Variants in SAR1B observed in about 807,000 individuals in gnomAD.
SAR1B encodes small COPII coat GTPase SAR1B.
In SAR1B, 23 loss-of-function variants were observed where a neutral mutation model predicts 26.8. The observed-to-expected ratio is 0.86, with a 90% CI of 0.62 to 1.22. SAR1B has a LOEUF of 1.22. SAR1B is among the 50% of genes most tolerant of loss of function. The pLI, the probability that SAR1B is intolerant of heterozygous loss-of-function variation, is 0.00. For missense variants in SAR1B, 196 were observed against 232.8 expected (o/e 0.84, Z 1.03); for synonymous variants, 65 against 80.8 (o/e 0.80, Z 1.05).
rs971289374 is a variant in SAR1B at position 134,604,518 on chromosome 5, C to A, written c.*2432G>T. 3 of 152,250 alleles carry A rather than the reference C, an allele frequency of 2.0e-5. No individual in the cohort carries two copies. The highest frequency in any genetic ancestry group is 2.9e-5 in the Non-Finnish European group (2 of 68,060). 9.4% of individuals were successfully genotyped at this position (152,250 alleles called of 1,614,324 possible). A position where few individuals can be genotyped will look rare whatever the true frequency, so the allele number is the denominator to read the frequency against. Reference sequence around the variant, plus strand: ...TTCTCAAAGCTGGACAGTAAGTCCTCTGGCTCAGGAACTCTGCCCCCTAAA... The same window carrying A: ...TTCTCAAAGCTGGACAGTAAGTCCTATGGCTCAGGAACTCTGCCCCCTAAA... On this transcript the variant is annotated 3_prime_UTR_variant, in exon 7 of 7. Coordinates refer to ENST00000402673, the MANE Select transcript of SAR1B (RefSeq NM_016103.4).
chr5:134,613,002 T>C (rs1765245688), intron 3 of SAR1B: 2 of 498,746 alleles, frequency 4.0e-6, no homozygotes, highest in Non-Finnish European at 7.1e-6. Context: ...ATATTTGCCC[T>C]GGCATACTTA....
At chr5:134,631,202 G>A (rs139762140) in intron 1 of SAR1B, among the ~76,000 whole-genome samples, 3 of 151,974 alleles carry the variant, frequency 2.0e-5, no homozygotes, top group African/African-American at 7.2e-5. Context: ...GTCAAAGGAA[G>A]GTTAAAATAT....
intron 3 of SAR1B, among the ~76,000 whole-genome samples, chr5:134,617,986 T>A (rs1436967359): frequency 2.0e-5 from 3 of 152,018 alleles, no homozygotes; most frequent in African/African-American, 4.8e-5. Flanking sequence ...TATCAGAATC[T>A]TACTTGCCAA....
intron 3 of SAR1B, among the ~76,000 whole-genome samples, chr5:134,618,682 G>A (rs942523998): frequency 2.0e-5 from 3 of 152,166 alleles, no homozygotes; most frequent in Admixed American, 2.0e-4. Context: ...AACCTTAAAT[G>A]CAAAATAAAA....
Position 134,612,684 on chromosome 5 carries a change from ATCTTACCTTG to A in SAR1B, c.241_244+6del. 2.0e-6 allele frequency: 2 copies of A among 1,017,744 alleles called. No individual in the cohort carries two copies. Among genetic ancestry groups the A allele is most frequent in the African/African-American group, 1.8e-5 (1 of 57,024 alleles). The allele number at this position is 1,017,744 out of a possible 1,614,324, so 63.0% of individuals were successfully genotyped here. ...AAAAAAAAAAAAAAAAAAAAAAAGA[ATCTTACCTTG>A]AACATGTCCACCCAGATCAAAAGTT... is the stretch of plus-strand genomic sequence containing the variant. On this transcript the variant is annotated splice_donor_variant and splice_donor_5th_base_variant and coding_sequence_variant and intron_variant, in exon 4 of 7. Coordinates refer to ENST00000402673, the MANE Select transcript of SAR1B (RefSeq NM_016103.4). LOFTEE classifies it high-confidence loss of function.
In SAR1B at chr5:134,612,680, A is replaced by AAAAAAAATT; in HGVS notation, c.244+10_244+11insAATTTTTTT. The AAAAAAAATT allele has an allele frequency of 2.9e-6, 3 of 1,043,432 alleles. No individual in the cohort carries two copies. The highest frequency in any genetic ancestry group is 1.7e-5 in the African/African-American group (1 of 57,722). The allele number at this position is 1,043,432 out of a possible 1,614,324, so 64.6% of individuals were successfully genotyped here. A position where few individuals can be genotyped will look rare whatever the true frequency, so the allele number is the denominator to read the frequency against. On this transcript the variant is annotated intron_variant, in intron 4 of 6. Transcript: ENST00000402673. ...AAAAAAAAAAAAAAAAAAAAAAAAA[A>AAAAAAAATT]AGAATCTTACCTTGAACATGTCCAC... is the stretch of plus-strand genomic sequence containing the variant.
chr5:134,622,842 C>T (rs1024246139), intron 2 of SAR1B, among the ~76,000 whole-genome samples: 1 of 151,560 alleles, frequency 6.6e-6, no homozygotes, highest in Admixed American at 6.6e-5. Flanking sequence ...AGCAAGGAGG[C>T]CGGGCACAGT....
rs1057092577 is a variant in SAR1B, at chr5:134,627,289, A to G, written c.-18-3252T>C. Reference sequence around the variant, plus strand: ...GATGGTCTCGATCTCCTGACCTCGTAATCCGCCCTCCTTGGCCTCCCAAAG... The same window carrying G: ...GATGGTCTCGATCTCCTGACCTCGTGATCCGCCCTCCTTGGCCTCCCAAAG... On this transcript the variant is annotated intron_variant, in intron 1 of 6. Transcript: ENST00000402673. Among the ~76,000 whole-genome samples, 16 of 150,796 alleles carry G rather than the reference A, an allele frequency of 1.1e-4. No homozygotes were observed. The Middle Eastern group carries it at 0.021, about 195-fold the overall frequency.
At chr5:134,611,766 C>T (rs562446913) in intron 4 of SAR1B, among the ~76,000 whole-genome samples, 1 of 152,154 alleles carries the variant, frequency 6.6e-6, no homozygotes, top group East Asian at 1.9e-4. Flanking sequence ...AAAGGGGTTA[C>T]TCATGTGCGG....
At chr5:134,616,525 T>C (rs892170031) in intron 3 of SAR1B, among the ~76,000 whole-genome samples, 1 of 152,116 alleles carries the variant, frequency 6.6e-6, no homozygotes, top group Non-Finnish European at 1.5e-5. Context: ...TCAAAGTCAC[T>C]GTTCATAAGG....
In SAR1B at chr5:134,606,816, AT is replaced by A. The variant is rs1181025026; in HGVS notation, c.*133del. ...TTCAATTCTCATTCAAATTAAGTTG[AT>A]TTAATATTAATAATCTAAAAAACAT... On this transcript the variant is annotated 3_prime_UTR_variant, in exon 7 of 7. Transcript: ENST00000402673. 3 of 724,072 alleles carry A rather than the reference AT, an allele frequency of 4.1e-6. No homozygotes were observed. The highest frequency in any genetic ancestry group is 7.7e-6 in the Non-Finnish European group (3 of 391,460). The allele number at this position is 724,072 out of a possible 1,614,324, so 44.9% of individuals were successfully genotyped here.
At chr5:134,607,330 A>G (rs1315093333) in intron 6 of SAR1B, among the ~76,000 whole-genome samples, 5 of 152,326 alleles carry the variant, frequency 3.3e-5, no homozygotes, top group African/African-American at 1.2e-4. Context: ...CTGACTTAGA[A>G]AAAAATCCAA....
Position 134,609,652 on chromosome 5 carries a change from G to A in SAR1B, c.267C>T (p.Tyr89=). 6.2e-7 allele frequency: 1 copy of A among 1,614,082 alleles called. No individual in the cohort carries two copies. The highest frequency in any genetic ancestry group is 1.1e-5 in the South Asian group (1 of 91,080). ...ATACAATGCCATTGATAGCAGGAAGGTAGTTTTTCCACACTCTTCGAGCTA... is the reference window on the plus strand; with the variant it reads ...ATACAATGCCATTGATAGCAGGAAGATAGTTTTTCCACACTCTTCGAGCTA... The part of the protein sequence containing the change: ...HVQARRVWKN[Y]LPAINGIVFL... Residue 89 remains tyrosine, a synonymous_variant, in exon 5 of 7, where the codon TAC becomes TAT. Coordinates refer to ENST00000402673, the MANE Select transcript of SAR1B (RefSeq NM_016103.4).
At chr5:134,631,948 CCAG>C (rs1200800988) in intron 1 of SAR1B, 1 of 152,284 alleles carries the variant, frequency 6.6e-6, no homozygotes, top group Non-Finnish European at 1.5e-5. Flanking sequence ...GCCTATAATC[CCAG>C]CACTTTGGGA....
chr5:134,608,262 T>A, intron 6 of SAR1B, 110 bp downstream of exon 6: 1 of 1,178,354 alleles, frequency 8.5e-7, no homozygotes, highest in Non-Finnish European at 1.2e-6. Flanking sequence ...AAATGACAGT[T>A]TTCTTTAAGA....
At position 134,606,615 on chromosome 5, in the gene SAR1B, G is replaced by A; in HGVS notation, c.*335C>T. On this transcript the variant is annotated 3_prime_UTR_variant, in exon 7 of 7. Transcript: ENST00000402673. ...GTACATAAAAAATTTAACATGATGA[G>A]CTTTTAAATATGGTTTATAGTTTCA... The A allele has an allele frequency of 4.0e-6, 1 of 248,996 alleles. No homozygotes were observed. The highest frequency in any genetic ancestry group is 5.0e-5 in the South Asian group (1 of 19,842). The allele number at this position is 248,996 out of a possible 1,614,324, so 15.4% of individuals were successfully genotyped here. A position where few individuals can be genotyped will look rare whatever the true frequency, so the allele number is the denominator to read the frequency against.
intron 1 of SAR1B, chr5:134,631,865 A>G (rs1401034243): frequency 6.6e-6 from 1 of 151,766 alleles, no homozygotes; most frequent in Non-Finnish European, 1.5e-5. Flanking sequence ...GGAGTTGGAG[A>G]CCAGACTGGC....
chr5:134,621,064 G>C lies in SAR1B; in HGVS notation c.59-12C>G, dbSNP rs751227369. The C allele has an allele frequency of 1.2e-6, 2 of 1,612,650 alleles. No homozygotes were observed. Among genetic ancestry groups the C allele is most frequent in the South Asian group, 2.2e-5 (2 of 91,042 alleles). On this transcript the variant is annotated splice_polypyrimidine_tract_variant and intron_variant, in intron 2 of 6. Transcript: ENST00000402673. Reference sequence around the variant, plus strand: ...TTTCTTATATAATCCTGCAAAGCAAGAGCTATGATTGGTCAAAGTGATATC... The same window carrying C: ...TTTCTTATATAATCCTGCAAAGCAACAGCTATGATTGGTCAAAGTGATATC...
chr5:134,614,696 T>C (rs1765279232), intron 3 of SAR1B: 1 of 152,242 alleles, frequency 6.6e-6, no homozygotes, highest in Admixed American at 6.5e-5. Context: ...CTCTCTGTCC[T>C]AGCAAAAAAA....
Sources: allele counts gnomAD v4.1 joint callset (sites outside exome capture counted in the v4.1 genomes callset), GRCh38; gene constraint gnomAD v4.1.1; transcripts MANE v1.5; gene names NCBI Gene and HGNC (gene_info 2026-07-23, HGNC 2026-07-21).